The following ANK3 variants were observed in gnomAD, a reference collection of about 807,000 sequenced individuals.
ANK3 encodes ankyrin 3.
ANK3 carries 57 observed loss-of-function variants against 370.9 expected under a neutral mutation model. That is an observed-to-expected ratio of 0.15 (90% confidence interval 0.12 to 0.19). The LOEUF (loss-of-function observed/expected upper bound fraction) is 0.19. Among genes scored for constraint, ANK3 ranks in the 10% least tolerant of loss-of-function variants. The pLI is 1.00. For missense variants in ANK3, 4,439 were observed against 5,302.1 expected (o/e 0.84, Z 5.06); for synonymous variants, 1,929 against 1,946.3 (o/e 0.99, Z 0.23).
At chr10:60,647,791 A>G (rs2133358330) in intron 1 of ANK3, among the ~76,000 whole-genome samples, 1 of 152,282 alleles carries the variant, frequency 6.6e-6, no homozygotes, top group Middle Eastern at 3.4e-3. Context: ...TTTCAACTGA[A>G]ACCACATTTT....
intron 1 of ANK3, among the ~76,000 whole-genome samples, chr10:60,377,973 G>T (rs1224772766): frequency 6.6e-6 from 1 of 152,068 alleles, no homozygotes; most frequent in Non-Finnish European, 1.5e-5. Context: ...CCAAACTGAG[G>T]TTTGCTAGCA....
intron 18 of ANK3, 115 bp from the exon 19 acceptor site, chr10:60,173,301 G>T: frequency 2.5e-6 from 2 of 805,910 alleles, no homozygotes; most frequent in Admixed American, 3.1e-5. Flanking sequence ...GCAAAAGTAG[G>T]TTTTTTTCTT....
chr10:60,686,391 A>T (rs546703934), intron 1 of ANK3, among the ~76,000 whole-genome samples: 14 of 152,328 alleles, frequency 9.2e-5, no homozygotes, highest in African/African-American at 3.4e-4. Flanking sequence ...CATTATTTCA[A>T]GTGGTAAAAG....
At chr10:60,553,388 C>T (rs1376306291) in intron 2 of ANK3, among the ~76,000 whole-genome samples, 1 of 150,486 alleles carries the variant, frequency 6.6e-6, no homozygotes, top group Non-Finnish European at 1.5e-5. Flanking sequence ...ATACCCAGCA[C>T]ATAGAAGGGA....
In ANK3 at chr10:60,114,192, A is replaced by G. The variant is rs186595290; in HGVS notation, c.2948+33T>C. The G allele has an allele frequency of 4.6e-4, 562 of 1,231,162 alleles. 1 individual carries two copies. In the African/African-American group the frequency reaches 5.6e-3, roughly 12 times the overall value. 76.3% of individuals were successfully genotyped at this position (1,231,162 alleles called of 1,614,324 possible). A position where few individuals can be genotyped will look rare whatever the true frequency, so the allele number is the denominator to read the frequency against. ...GTAATAAATGCACTGTTCATGTAGT[A>G]GGATAATGAAAAGTGACATTTAGGT... is the stretch of plus-strand genomic sequence containing the variant. On this transcript the variant is annotated intron_variant, in intron 26 of 43. Coordinates refer to ENST00000280772, the MANE Select transcript of ANK3 (RefSeq NM_020987.5).
At chr10:60,033,888 G>A (rs2131839235) in intron 43 of ANK3, among the ~76,000 whole-genome samples, 1 of 152,142 alleles carries the variant, frequency 6.6e-6, no homozygotes, top group Non-Finnish European at 1.5e-5. Flanking sequence ...ACAATATCCA[G>A]GCCACATCCC....
intron 1 of ANK3, among the ~76,000 whole-genome samples, chr10:60,287,964 C>T (rs1473152001): frequency 6.6e-6 from 1 of 152,248 alleles, no homozygotes; most frequent in South Asian, 2.1e-4. Context: ...CCATAATATC[C>T]AATCCACTTC....
chr10:60,471,159 C>T (rs1476728273), intron 2 of ANK3, among the ~76,000 whole-genome samples: 1 of 152,078 alleles, frequency 6.6e-6, no homozygotes, highest in Non-Finnish European at 1.5e-5. Flanking sequence ...GTAATAAATG[C>T]AATTAGTTTG....
In ANK3 at chr10:60,200,885, G is replaced by T. The variant is rs533225048; in HGVS notation, c.1393-658C>A. On this transcript the variant is annotated intron_variant, in intron 12 of 43. Coordinates refer to ENST00000280772, the MANE Select transcript of ANK3 (RefSeq NM_020987.5). ...TCTTAGTCTTTGGGCATTTTTCCCA[G>T]TGGGTCATTTTCTTTGCCCTGGACC... is the stretch of plus-strand genomic sequence containing the variant. 2.6e-5 allele frequency among the ~76,000 whole-genome samples: 4 copies of T among 152,298 alleles called. No individual in the cohort carries two copies. In the East Asian group the frequency reaches 7.7e-4, roughly 29 times the overall value.
intron 43 of ANK3, among the ~76,000 whole-genome samples, chr10:60,033,282 A>AG (rs1175977564): frequency 4.6e-5 from 7 of 151,556 alleles, no homozygotes; most frequent in African/African-American, 1.5e-4. Flanking sequence ...GGGGCAGGGG[A>AG]GGGGGGCGGA....
chr10:60,179,991 A>T (rs749988932), intron 18 of ANK3, among the ~76,000 whole-genome samples: 2 of 151,292 alleles, frequency 1.3e-5, no homozygotes, highest in African/African-American at 2.5e-5. Context: ...GAAAGTGTTT[A>T]AGTCTGTCTC....
intron 2 of ANK3, among the ~76,000 whole-genome samples, chr10:60,464,622 C>A (rs2064967729): frequency 6.6e-6 from 1 of 152,170 alleles, no homozygotes; most frequent in Non-Finnish European, 1.5e-5. Context: ...TTTTCTTTAG[C>A]ATACGAAGAT....
At chr10:60,633,744 A>C (rs929273328) in intron 1 of ANK3, among the ~76,000 whole-genome samples, 2 of 152,196 alleles carry the variant, frequency 1.3e-5, no homozygotes, top group Non-Finnish European at 2.9e-5. Flanking sequence ...CAAATATGCA[A>C]CATGGTAAAG....
intron 38 of ANK3, among the ~76,000 whole-genome samples, chr10:60,065,549 T>C (rs2081468227): frequency 6.6e-6 from 1 of 152,158 alleles, no homozygotes; most frequent in African/African-American, 2.4e-5. Flanking sequence ...ACCCTGACAA[T>C]ATATGAGTTA....
chr10:60,387,144 G>A lies in ANK3; in HGVS notation c.114+2281C>T, dbSNP rs563062245. 8.7e-4 allele frequency among the ~76,000 whole-genome samples: 131 copies of A among 151,190 alleles called. 1 individual carries two copies. Among genetic ancestry groups the A allele is most frequent in the African/African-American group, 3.1e-3 (128 of 41,112 alleles). On this transcript the variant is annotated intron_variant, in intron 1 of 43. Transcript: ENST00000280772. ...CACTGCACTCCAGCCTGGGCAACAA[G>A]AGTGAGACTCCATCTCAAAAAAAAA...
intron 1 of ANK3, among the ~76,000 whole-genome samples, chr10:60,691,579 C>T (rs2079353737): frequency 1.3e-5 from 2 of 152,112 alleles, no homozygotes. Flanking sequence ...GACATTTTGC[C>T]CTACAGAGGG....
intron 7 of ANK3, among the ~76,000 whole-genome samples, chr10:60,243,475 C>G (rs2097504249): frequency 6.6e-6 from 1 of 152,202 alleles, no homozygotes; most frequent in African/African-American, 2.4e-5. Context: ...GCCATCTTGA[C>G]AAGGCCCTCA....
intron 13 of ANK3, 75 bp downstream of exon 13, chr10:60,200,054 G>T: frequency 9.2e-7 from 1 of 1,091,510 alleles, no homozygotes; most frequent in Non-Finnish European, 1.4e-6. Flanking sequence ...AAGACTGCAT[G>T]TATATACTTA....
At chr10:60,158,701 A>G (rs1260399293) in intron 23 of ANK3, among the ~76,000 whole-genome samples, 3 of 16,484 alleles carry the variant, frequency 1.8e-4, no homozygotes, top group East Asian at 3.7e-3. Flanking sequence ...TTTGAGACAG[A>G]ATCTCATTCT....
Sources: allele counts gnomAD v4.1 joint callset (sites outside exome capture counted in the v4.1 genomes callset), GRCh38; gene constraint gnomAD v4.1.1; transcripts MANE v1.5; gene names NCBI Gene and HGNC (gene_info 2026-07-23, HGNC 2026-07-21).